The following NGF variants were observed in gnomAD, a reference collection of about 807,000 sequenced individuals.
NGF encodes nerve growth factor, also known as beta-nerve growth factor.
NGF carries 4 observed loss-of-function variants against 12.8 expected under a neutral mutation model. That is an observed-to-expected ratio of 0.31 (90% CI 0.15 to 0.72). The LOEUF (loss-of-function observed/expected upper bound fraction) is 0.72. Ranked by LOEUF, NGF falls within the 30% of genes least tolerant of loss-of-function variation. The probability of loss-of-function intolerance (pLI) is 0.69; values close to 1 mark genes in which losing one functional copy is unlikely to be tolerated. For synonymous variants in NGF, 140 were observed against 130.0 expected (o/e 1.08, Z -0.52); for missense variants, 283 against 330.8 (o/e 0.86, Z 1.12).
chr1:115,334,302 C>T (rs888000186), intron 1 of NGF, among the ~76,000 whole-genome samples: 2 of 152,182 alleles, frequency 1.3e-5, no homozygotes, highest in African/African-American at 4.8e-5. Context: ...GTGTGATCCA[C>T]TTAGCAAAGG....
chr1:115,316,227 C>G (rs1169835771), intron 1 of NGF, among the ~76,000 whole-genome samples: 1 of 152,148 alleles, frequency 6.6e-6, no homozygotes, highest in Admixed American at 6.5e-5. Flanking sequence ...CTGGTTATCT[C>G]TAAGTTCTCT....
At position 115,304,329 on chromosome 1, in the gene NGF, A is replaced by ATTTTTT. The variant is rs58345237; in HGVS notation, c.-136-10585_-136-10580dup. 1.5e-3 allele frequency among the ~76,000 whole-genome samples: 124 copies of ATTTTTT among 80,740 alleles called. 3 individuals are homozygous for ATTTTTT. The highest frequency in any genetic ancestry group is 4.6e-3 in the South Asian group (9 of 1,964). 53.0% of individuals were successfully genotyped at this position (80,740 alleles called of 152,430 possible). The stretch of plus-strand genomic sequence containing the variant: ...AGGAGCGCACCACCATGCTTGGCTA[A>ATTTTTT]TTTTTTTTTTTTTTTTGTATTTTTA... On this transcript the variant is annotated intron_variant, in intron 1 of 2. Coordinates refer to ENST00000369512, the MANE Select transcript of NGF (RefSeq NM_002506.3).
At chr1:115,321,230 A>G (rs940311898) in intron 1 of NGF, among the ~76,000 whole-genome samples, 1 of 152,078 alleles carries the variant, frequency 6.6e-6, no homozygotes, top group South Asian at 2.1e-4. Flanking sequence ...AGAACTATGT[A>G]TGGTTTTTTC....
At chr1:115,338,013 G>C (rs1233160974) in intron 1 of NGF, among the ~76,000 whole-genome samples, 191 bp downstream of exon 1, 2 of 152,254 alleles carry the variant, frequency 1.3e-5, no homozygotes, top group Middle Eastern at 3.4e-3. Flanking sequence ...TCGTCCTCCC[G>C]CGAGGGTCCC....
At chr1:115,319,223 T>C (rs1163205419) in intron 1 of NGF, among the ~76,000 whole-genome samples, 1 of 152,226 alleles carries the variant, frequency 6.6e-6, no homozygotes, top group Non-Finnish European at 1.5e-5. Flanking sequence ...GTTTCTTTTC[T>C]TAACCAGACC....
chr1:115,308,570 T>C (rs1654261372), intron 1 of NGF, among the ~76,000 whole-genome samples: 1 of 152,184 alleles, frequency 6.6e-6, no homozygotes, highest in African/African-American at 2.4e-5. Flanking sequence ...AAAAATGGGC[T>C]GCCTGTTGTG....
At chr1:115,328,810 G>C (rs1654837584) in intron 1 of NGF, among the ~76,000 whole-genome samples, 2 of 152,142 alleles carry the variant, frequency 1.3e-5, no homozygotes, top group Admixed American at 1.3e-4. Context: ...AGGATGTCTT[G>C]TGCCCCTTGG....
chr1:115,292,959 T>C (rs1222360875), intron 2 of NGF, among the ~76,000 whole-genome samples: 1 of 152,014 alleles, frequency 6.6e-6, no homozygotes, highest in Non-Finnish European at 1.5e-5. Context: ...GGAGGGCAGC[T>C]GTGCTGGATA....
intron 1 of NGF, among the ~76,000 whole-genome samples, chr1:115,302,284 A>G: frequency 6.6e-6 from 1 of 152,232 alleles, no homozygotes; most frequent in East Asian, 1.9e-4. Flanking sequence ...GGTGCGCCAC[A>G]GAGGAACTAA....
intron 1 of NGF, among the ~76,000 whole-genome samples, chr1:115,336,457 C>G (rs1472203231): frequency 6.6e-6 from 1 of 152,158 alleles, no homozygotes; most frequent in Non-Finnish European, 1.5e-5. Context: ...GGAATGTTCA[C>G]TTTCTGTGTG....
At position 115,286,732 on chromosome 1, in the gene NGF, A is replaced by G. The variant is rs904651953; in HGVS notation, c.64T>C (p.Ser22Pro). 1.2e-6 allele frequency: 2 copies of G among 1,613,978 alleles called. No homozygotes were observed. The highest frequency in any genetic ancestry group is 8.5e-7 in the Non-Finnish European group (1 of 1,180,036). ...TGTCCTGCAGGGACATTGCTCTCTG[A>G]GTGTGGTTCCGCCTGTATGCCGATC... ...FLIGIQAEPH[S>P]ESNVPAGHTI... The change falls in exon 3 of 3, where the codon TCA becomes CCA. Residue 22 changes from serine (S) to proline (P), a missense_variant. Transcript: ENST00000369512.
intron 1 of NGF, among the ~76,000 whole-genome samples, chr1:115,333,406 G>A (rs560933810): frequency 1.3e-5 from 2 of 151,414 alleles, no homozygotes; most frequent in Admixed American, 6.6e-5. Context: ...CACCACAGGC[G>A]GTGCCAAAAG....
intron 1 of NGF, among the ~76,000 whole-genome samples, chr1:115,301,475 T>C (rs570673235): frequency 6.6e-6 from 1 of 152,324 alleles, no homozygotes; most frequent in African/African-American, 2.4e-5. Context: ...TTAATATCAT[T>C]AAAGACATTT....
At chr1:115,322,172 TCTTTTCTGTCCCTGCCCAGCA>T (rs1008275047) in intron 1 of NGF, among the ~76,000 whole-genome samples, 1 of 152,226 alleles carries the variant, frequency 6.6e-6, no homozygotes, top group Admixed American at 6.5e-5. Context: ...CTCTGGAATT[TCTTTTCTGTCCCTGCCCAGCA>T]CTTTCTGGCA....
At chr1:115,329,731 T>G (rs1391998065) in intron 1 of NGF, among the ~76,000 whole-genome samples, 1 of 150,404 alleles carries the variant, frequency 6.6e-6, no homozygotes, top group Non-Finnish European at 1.5e-5. Context: ...TTTGTTTTCT[T>G]TTTTCTTTCT....
At chr1:115,330,000 C>T (rs1188854104) in intron 1 of NGF, among the ~76,000 whole-genome samples, 3 of 152,114 alleles carry the variant, frequency 2.0e-5, no homozygotes, top group Non-Finnish European at 4.4e-5. Context: ...AAGTGATCCT[C>T]CCGCCTCAGC....
chr1:115,322,740 C>T (rs1263489437), intron 1 of NGF, among the ~76,000 whole-genome samples: 1 of 152,148 alleles, frequency 6.6e-6, no homozygotes, highest in Admixed American at 6.5e-5. Context: ...TTATTACCCC[C>T]ATTTTGCAGC....
At chr1:115,288,276 G>C (rs1653580014) in intron 2 of NGF, among the ~76,000 whole-genome samples, 1 of 152,166 alleles carries the variant, frequency 6.6e-6, no homozygotes, top group South Asian at 2.1e-4. Flanking sequence ...CATTGGGTCT[G>C]GGGGTTAGAA....
chr1:115,316,758 G>A (rs1215382833), intron 1 of NGF, among the ~76,000 whole-genome samples: 1 of 152,112 alleles, frequency 6.6e-6, no homozygotes. Flanking sequence ...TGAAATAGTT[G>A]CTTATCTAGA....
Sources: allele counts gnomAD v4.1 joint callset (sites outside exome capture counted in the v4.1 genomes callset), GRCh38; gene constraint gnomAD v4.1.1; transcripts MANE v1.5; gene names NCBI Gene and HGNC (gene_info 2026-07-23, HGNC 2026-07-21).